CSMD1: variants seen among roughly 807,000 people sequenced by gnomAD.
CSMD1 encodes the protein CUB and Sushi multiple domains 1, also known as CUB and sushi domain-containing protein 1.
In CSMD1, 213 loss-of-function variants were observed where a neutral mutation model predicts 417.5. The ratio of observed to expected loss-of-function variants is 0.51; its 90% CI spans 0.46 to 0.57. The LOEUF is 0.57. CSMD1 is among the 20% of genes least tolerant of loss of function. The pLI is 0.00. For missense variants in CSMD1, 6,923 were observed against 4,529.7 expected (o/e 1.53, Z -15.17); for synonymous variants, 2,862 against 1,736.8 (o/e 1.65, Z -16.11).
chr8:3,924,312 T>G (rs1379488395), intron 5 of CSMD1, among the ~76,000 whole-genome samples: 1 of 152,190 alleles, frequency 6.6e-6, no homozygotes, highest in Non-Finnish European at 1.5e-5. Flanking sequence ...TTCCTTCTTG[T>G]CTATGACTTT....
chr8:3,262,714 C>A (rs532183815), intron 26 of CSMD1, among the ~76,000 whole-genome samples: 56 of 152,076 alleles, frequency 3.7e-4, no homozygotes, highest in African/African-American at 1.3e-3. Flanking sequence ...CTCGAGAGTT[C>A]ATTGTAATGT....
At chr8:4,173,289 G>C (rs1174093745) in intron 3 of CSMD1, among the ~76,000 whole-genome samples, 2 of 152,170 alleles carry the variant, frequency 1.3e-5, no homozygotes, top group Non-Finnish European at 2.9e-5. Flanking sequence ...TTCTTTGTCT[G>C]AGTTCCAAAT....
chr8:3,072,912 C>G (rs1187844772), intron 49 of CSMD1, among the ~76,000 whole-genome samples: 1 of 152,022 alleles, frequency 6.6e-6, no homozygotes, highest in Non-Finnish European at 1.5e-5. Context: ...CAGTATTTGC[C>G]TTCAAGTGTC....
At chr8:4,210,249 AGGACTGCTCTTTGTTTGTTTCTTTG>A in intron 3 of CSMD1, among the ~76,000 whole-genome samples, 1 of 152,326 alleles carries the variant, frequency 6.6e-6, no homozygotes. Flanking sequence ...GGAGGGGCAG[AGGACTGCTCTTTGTTTGTTTCTTTG>A]ATGCTTTCAT....
Position 3,991,187 on chromosome 8 carries a change from A to G in CSMD1, c.818+6716T>C, listed in dbSNP as rs533829295. Among the ~76,000 whole-genome samples the G allele has an allele frequency of 1.8e-4, 28 of 152,334 alleles. No homozygotes were observed. In the South Asian group the frequency reaches 2.7e-3, roughly 15 times the overall value. On this transcript the variant is annotated intron_variant, in intron 5 of 69. Coordinates refer to ENST00000635120, the MANE Select transcript of CSMD1 (RefSeq NM_033225.6). Reference sequence around the variant, plus strand: ...GGGTGCCTAATCCACCCAGGTGAAAACAAAAATATCCAGGATAAGGCATGT... The same window carrying G: ...GGGTGCCTAATCCACCCAGGTGAAAGCAAAAATATCCAGGATAAGGCATGT...
chr8:4,595,899 C>A (rs7013588), intron 2 of CSMD1, among the ~76,000 whole-genome samples: 2 of 152,090 alleles, frequency 1.3e-5, no homozygotes, highest in Non-Finnish European at 2.9e-5. Context: ...TTGCATGCAG[C>A]CATCCACTCT....
intron 5 of CSMD1, among the ~76,000 whole-genome samples, chr8:3,779,635 A>G (rs758236523): frequency 5.3e-5 from 8 of 152,210 alleles, no homozygotes; most frequent in Non-Finnish European, 8.8e-5. Flanking sequence ...GACAGCGTTA[A>G]TATTTTAGGT....
At chr8:4,351,478 G>T (rs148610099) in intron 3 of CSMD1, among the ~76,000 whole-genome samples, 4 of 152,192 alleles carry the variant, frequency 2.6e-5, no homozygotes, top group Non-Finnish European at 5.9e-5. Flanking sequence ...AGCTATTACT[G>T]TGCCAAATTT....
chr8:3,216,278 A>C (rs259865), intron 29 of CSMD1, among the ~76,000 whole-genome samples: 1 of 152,100 alleles, frequency 6.6e-6, no homozygotes, highest in African/African-American at 2.4e-5. Context: ...ATACAGATCA[A>C]ATAAGTAAAC....
intron 2 of CSMD1, among the ~76,000 whole-genome samples, chr8:4,563,944 C>T (rs1798467425): frequency 6.6e-6 from 1 of 152,224 alleles, no homozygotes; most frequent in South Asian, 2.1e-4. Flanking sequence ...TAAATTCCAG[C>T]AGAAGACTAA....
chr8:3,777,229 C>T (rs943626860), intron 5 of CSMD1, among the ~76,000 whole-genome samples: 1 of 151,858 alleles, frequency 6.6e-6, no homozygotes, highest in Admixed American at 6.6e-5. Context: ...TCCTATAGAA[C>T]ATGAGCTCCT....
At position 4,258,305 on chromosome 8, in the gene CSMD1, G is replaced by C. The variant is rs902312644; in HGVS notation, c.415+161648C>G. 1.4e-4 allele frequency among the ~76,000 whole-genome samples: 16 copies of C among 114,872 alleles called. No homozygotes were observed. In the East Asian group the frequency reaches 4.0e-3, roughly 29 times the overall value. 75.4% of individuals were successfully genotyped at this position (114,872 alleles called of 152,430 possible). A position where few individuals can be genotyped will look rare whatever the true frequency, so the allele number is the denominator to read the frequency against. On this transcript the variant is annotated intron_variant, in intron 3 of 69. Transcript: ENST00000635120. Reference sequence around the variant, plus strand: ...TATGGTAAGGAGAAAGGGAGAAAGAGAGTGAGGGAGGAGAGGGAGAAAGAG... The same window carrying C: ...TATGGTAAGGAGAAAGGGAGAAAGACAGTGAGGGAGGAGAGGGAGAAAGAG...
intron 5 of CSMD1, among the ~76,000 whole-genome samples, chr8:3,782,583 C>A (rs1347467424): frequency 6.6e-6 from 1 of 152,148 alleles, no homozygotes; most frequent in Admixed American, 6.5e-5. Context: ...CAACATGGCA[C>A]ATGTAATCCT....
chr8:4,524,926 T>A lies in CSMD1; in HGVS notation c.303-104861A>T, dbSNP rs372751315. Among the ~76,000 whole-genome samples, 381 of 152,302 alleles carry A rather than the reference T, an allele frequency of 2.5e-3. 2 individuals are homozygous for A. The highest frequency in any genetic ancestry group is 4.5e-3 in the Non-Finnish European group (303 of 68,022). Reference sequence around the variant, plus strand: ...GTAAAACTTTAACAGCATTGCCACATTCAAAGCCACACTATCAGAAAACTG... The same window carrying A: ...GTAAAACTTTAACAGCATTGCCACAATCAAAGCCACACTATCAGAAAACTG... On this transcript the variant is annotated intron_variant, in intron 2 of 69. Coordinates refer to ENST00000635120, the MANE Select transcript of CSMD1 (RefSeq NM_033225.6).
chr8:3,316,760 C>T (rs1046725300), intron 23 of CSMD1, among the ~76,000 whole-genome samples: 3 of 152,142 alleles, frequency 2.0e-5, no homozygotes, highest in African/African-American at 7.2e-5. Context: ...GACTCGGCTG[C>T]AGCACCAAGG....
intron 1 of CSMD1, among the ~76,000 whole-genome samples, chr8:4,723,440 A>C (rs1366492605): frequency 6.6e-6 from 1 of 152,202 alleles, no homozygotes; most frequent in African/African-American, 2.4e-5. Flanking sequence ...TAATAATGTG[A>C]AATATACCTG....
chr8:3,341,422 G>C (rs1333986168), intron 23 of CSMD1, among the ~76,000 whole-genome samples: 1 of 152,170 alleles, frequency 6.6e-6, no homozygotes, highest in Non-Finnish European at 1.5e-5. Context: ...GAGACCAAGT[G>C]TTTACAAATG....
At chr8:3,548,089 C>CA (rs1198624628) in intron 10 of CSMD1, among the ~76,000 whole-genome samples, 3 of 151,378 alleles carry the variant, frequency 2.0e-5, no homozygotes, top group Non-Finnish European at 2.9e-5. Context: ...ATAGGTCCAC[C>CA]AAAAAAAATA....
chr8:4,471,744 G>A (rs541358220), intron 2 of CSMD1, among the ~76,000 whole-genome samples: 18 of 151,944 alleles, frequency 1.2e-4, no homozygotes, highest in East Asian at 5.8e-4. Context: ...GAGAAAAGAA[G>A]TTAGACCCAT....
Sources: gnomAD v4.1 joint callset for allele counts (sites outside exome capture counted in the v4.1 genomes callset) on GRCh38, gnomAD v4.1.1 for gene constraint, MANE v1.5 for transcripts, NCBI Gene and HGNC (gene_info 2026-07-23, HGNC 2026-07-21) for gene names.